The following CIRSR variants were observed in gnomAD, a reference collection of about 807,000 sequenced individuals.
CIRSR encodes CBF1 (RBPJ) interacting corepressor 1.
the CIRSR span, chr2:174,378,572 A>G: frequency 3.5e-6 from 1 of 282,266 alleles, no homozygotes; most frequent in Non-Finnish European, 6.8e-6. Context: ...GGCTTTCAGT[A>G]CAGTCTATTT....
the CIRSR span, chr2:174,387,606 A>C: frequency 6.9e-7 from 1 of 1,450,358 alleles, no homozygotes; most frequent in Non-Finnish European, 9.2e-7. Flanking sequence ...CAAAAAACTG[A>C]CTTAATATAT....
At chr2:174,372,787 G>T in the CIRSR span, among the ~76,000 whole-genome samples, 3 of 152,026 alleles carry the variant, frequency 2.0e-5, no homozygotes. Flanking sequence ...TCTCAGTGTT[G>T]TCCAGGCTGG....
the CIRSR span, among the ~76,000 whole-genome samples, chr2:174,359,256 CTTGT>C: frequency 2.7e-5 from 4 of 149,780 alleles, no homozygotes; most frequent in African/African-American, 7.4e-5. Flanking sequence ...TGCTCTGTAT[CTTGT>C]CAGGGATGTT....
chr2:174,349,000 T>C, the CIRSR span: 26 of 1,598,354 alleles, frequency 1.6e-5, no homozygotes, highest in Non-Finnish European at 2.2e-5. Context: ...TTTTCTTTAT[T>C]GTTACTCTCA....
the CIRSR span, among the ~76,000 whole-genome samples, chr2:174,390,121 T>C: frequency 2.6e-5 from 4 of 152,176 alleles, no homozygotes; most frequent in Non-Finnish European, 5.9e-5. Flanking sequence ...GACCCCAGTA[T>C]AGTAGATCCA....
At chr2:174,379,716 C>CTT in the CIRSR span, among the ~76,000 whole-genome samples, 1,150 of 83,760 alleles carry the variant, frequency 0.014, 9 homozygotes, top group Non-Finnish European at 0.015. Flanking sequence ...TGATTCCTGT[C>CTT]TTTTTTTTTT....
At chr2:174,380,274 A>C in the CIRSR span, 3 of 1,532,350 alleles carry the variant, frequency 2.0e-6, no homozygotes, top group South Asian at 3.7e-5. Flanking sequence ...GAAATGTACA[A>C]ACACAATATT....
the CIRSR span, among the ~76,000 whole-genome samples, chr2:174,376,746 C>CA: frequency 7.1e-6 from 1 of 141,008 alleles, no homozygotes; most frequent in East Asian, 2.2e-4. Flanking sequence ...CGCAGTGAGC[C>CA]AAGATCGTGC....
At chr2:174,380,327 A>T in the CIRSR span, 1 of 1,013,922 alleles carries the variant, frequency 9.9e-7, no homozygotes, top group Non-Finnish European at 1.4e-6. Context: ...TCAGAAAAAT[A>T]GTTTTACAGT....
chr2:174,367,768 CTATTTGAGTAGAT>C, the CIRSR span, among the ~76,000 whole-genome samples: 1 of 110,164 alleles, frequency 9.1e-6, no homozygotes, highest in African/African-American at 3.8e-5. Flanking sequence ...AAAAAAAAGA[CTATTTGAGTAGAT>C]AAAAAAAAAA....
chr2:174,383,563 T>C, the CIRSR span, among the ~76,000 whole-genome samples: 1,298 of 151,558 alleles, frequency 8.6e-3, 10 homozygotes, highest in Non-Finnish European at 0.013. Flanking sequence ...CTACTAAAAA[T>C]ACAAAAATTA....
the CIRSR span, among the ~76,000 whole-genome samples, chr2:174,349,564 T>TAAAAAAA: frequency 9.5e-6 from 1 of 105,124 alleles, no homozygotes; most frequent in African/African-American, 3.4e-5. Context: ...GACTCTGTCT[T>TAAAAAAA]AAAAAAAAAA....
the CIRSR span, among the ~76,000 whole-genome samples, chr2:174,381,419 C>A: frequency 6.6e-6 from 1 of 152,020 alleles, no homozygotes; most frequent in African/African-American, 2.4e-5. Flanking sequence ...CTTTGGGAGG[C>A]CGAGGTAGGT....
At chr2:174,364,740 C>T in the CIRSR span, among the ~76,000 whole-genome samples, 2 of 152,228 alleles carry the variant, frequency 1.3e-5, no homozygotes, top group Non-Finnish European at 2.9e-5. Flanking sequence ...ACATTGGCCT[C>T]TTTCAGCCAC....
chr2:174,363,702 C>T, the CIRSR span, among the ~76,000 whole-genome samples: 1 of 152,158 alleles, frequency 6.6e-6, no homozygotes, highest in Non-Finnish European at 1.5e-5. Flanking sequence ...TGGATGGCAG[C>T]AGGCAAAGAG....
At chr2:174,390,838 C>G in the CIRSR span, among the ~76,000 whole-genome samples, 1 of 152,142 alleles carries the variant, frequency 6.6e-6, no homozygotes, top group Non-Finnish European at 1.5e-5. Context: ...GGCATTTCTC[C>G]TTGCTGTCAC....
chr2:174,392,036 C>T, the CIRSR span, among the ~76,000 whole-genome samples: 1 of 152,118 alleles, frequency 6.6e-6, no homozygotes, highest in African/African-American at 2.4e-5. Context: ...GTCTCACTGT[C>T]ACCCAGGCTG....
the CIRSR span, among the ~76,000 whole-genome samples, chr2:174,360,810 T>G: frequency 1.1e-4 from 17 of 152,320 alleles, no homozygotes; most frequent in Non-Finnish European, 2.5e-4. Context: ...ATTACAAAAT[T>G]ATAATAATGT....
the CIRSR span, among the ~76,000 whole-genome samples, chr2:174,360,751 G>A: frequency 6.6e-6 from 1 of 152,176 alleles, no homozygotes; most frequent in East Asian, 1.9e-4. Context: ...TTAAAAATTT[G>A]TTCAAGTCAA....
Sources: allele counts gnomAD v4.1 joint callset (sites outside exome capture counted in the v4.1 genomes callset), GRCh38; gene constraint gnomAD v4.1.1; transcripts MANE v1.5; gene names NCBI Gene and HGNC (gene_info 2026-07-23, HGNC 2026-07-21).